The following TTC28 variants were observed in gnomAD, a reference collection of about 807,000 sequenced individuals.
The protein encoded by TTC28 is tetratricopeptide repeat protein 28.
A neutral mutation model predicts 198.0 loss-of-function variants in TTC28; 61 were observed. That is an observed-to-expected ratio of 0.31 (90% confidence interval 0.25 to 0.38). TTC28 has a LOEUF of 0.38. Ranked by LOEUF, TTC28 falls within the 10% of genes least tolerant of loss-of-function variation. The pLI is 1.00. For synonymous variants in TTC28, 1,171 were observed against 1,297.8 expected (o/e 0.90, Z 2.10); for missense variants, 2,678 against 3,164.0 (o/e 0.85, Z 3.69).
At chr22:28,657,616 C>T (rs761423342) in intron 1 of TTC28, among the ~76,000 whole-genome samples, 1 of 152,350 alleles carries the variant, frequency 6.6e-6, no homozygotes, top group Non-Finnish European at 1.5e-5. Flanking sequence ...TGGTGGCTCA[C>T]GCCTATAATC....
At chr22:28,455,054 T>C (rs947332661) in intron 2 of TTC28, among the ~76,000 whole-genome samples, 2 of 152,202 alleles carry the variant, frequency 1.3e-5, no homozygotes, top group South Asian at 2.1e-4. Context: ...GAATTTTCCA[T>C]TTAAGTTCTG....
At chr22:28,443,907 T>C (rs533278309) in intron 2 of TTC28, among the ~76,000 whole-genome samples, 1 of 152,306 alleles carries the variant, frequency 6.6e-6, no homozygotes, top group African/African-American at 2.4e-5. Flanking sequence ...AGGAAAGTAC[T>C]CTAGGCCAAA....
chr22:28,010,170 AGGGTGCTGC>A (rs1938091552), intron 14 of TTC28, among the ~76,000 whole-genome samples: 1 of 152,218 alleles, frequency 6.6e-6, no homozygotes. Flanking sequence ...GCAGAAGCAC[AGGGTGCTGC>A]TAGCAGCATG....
At position 28,415,577 on chromosome 22, in the gene TTC28, T is replaced by C. The variant is rs952807019; in HGVS notation, c.382-108934A>G. ...ATGTACTGCTTGACACTTTCCCAAATGCTTTCACATATATTATCCCTTGAG... is the reference window on the plus strand; with the variant it reads ...ATGTACTGCTTGACACTTTCCCAAACGCTTTCACATATATTATCCCTTGAG... On this transcript the variant is annotated intron_variant, in intron 2 of 22. Coordinates refer to ENST00000397906, the MANE Select transcript of TTC28 (RefSeq NM_001145418.2). Among the ~76,000 whole-genome samples the C allele has an allele frequency of 2.6e-4, 39 of 152,212 alleles. 1 individual carries two copies. The highest frequency in any genetic ancestry group is 1.3e-4 in the Admixed American group (2 of 15,284).
At chr22:28,365,390 T>C (rs1468733507) in intron 2 of TTC28, among the ~76,000 whole-genome samples, 2 of 152,186 alleles carry the variant, frequency 1.3e-5, no homozygotes, top group Non-Finnish European at 2.9e-5. Flanking sequence ...TATGTTAAGG[T>C]ATGCCTGTAA....
intron 2 of TTC28, among the ~76,000 whole-genome samples, chr22:28,483,421 A>G (rs1288567740): frequency 6.6e-6 from 1 of 152,070 alleles, no homozygotes; most frequent in Non-Finnish European, 1.5e-5. Flanking sequence ...TTAAATACTG[A>G]TACTGACTCA....
intron 6 of TTC28, among the ~76,000 whole-genome samples, chr22:28,153,671 C>T (rs6005729): frequency 2.6e-5 from 4 of 152,098 alleles, no homozygotes; most frequent in African/African-American, 9.7e-5. Context: ...TACCACATAA[C>T]TAATGTTCGA....
chr22:28,237,343 TAGG>T (rs896500822), intron 5 of TTC28, among the ~76,000 whole-genome samples: 1 of 152,200 alleles, frequency 6.6e-6, no homozygotes, highest in African/African-American at 2.4e-5. Flanking sequence ...ATTCCATTCT[TAGG>T]AGAATTGAGA....
intron 5 of TTC28, among the ~76,000 whole-genome samples, chr22:28,166,712 A>G (rs1922005151): frequency 6.6e-6 from 1 of 152,248 alleles, no homozygotes; most frequent in African/African-American, 2.4e-5. Context: ...TGCCCACAAG[A>G]GAAAGCAGGA....
rs1391424764 is a variant in TTC28 at position 28,357,312 on chromosome 22, C to CT, written c.382-50670dup. Among the ~76,000 whole-genome samples, 427 of 109,954 alleles carry CT rather than the reference C, an allele frequency of 3.9e-3. 3 individuals carry two copies. The highest frequency in any genetic ancestry group is 9.3e-3 in the African/African-American group (257 of 27,568). The allele number at this position is 109,954 out of a possible 152,430, so 72.1% of individuals were successfully genotyped here. ...GGTAGAAATCACTTTTATCAAATTT[C>CT]TTATTTTTTTTTTTTTTTTTTTTTG... On this transcript the variant is annotated intron_variant, in intron 2 of 22. Transcript: ENST00000397906.
At chr22:28,518,122 T>C (rs1472761756) in intron 2 of TTC28, among the ~76,000 whole-genome samples, 1 of 152,234 alleles carries the variant, frequency 6.6e-6, no homozygotes, top group South Asian at 2.1e-4. Flanking sequence ...AAATACTAGA[T>C]ATATCATGCT....
In TTC28 at chr22:28,107,988, C is replaced by T. The variant is rs762808639; in HGVS notation, c.1857G>A (p.Gln619=). The T allele has an allele frequency of 3.9e-6, 6 of 1,551,602 alleles. No homozygotes were observed. The highest frequency in any genetic ancestry group is 1.2e-5 in the South Asian group (1 of 84,056). The change falls in exon 7 of 23, where the codon CAG becomes CAA. Residue 619 remains glutamine (Q), a synonymous_variant. Coordinates refer to ENST00000397906, the MANE Select transcript of TTC28 (RefSeq NM_001145418.2). The part of the protein sequence containing the change: ...EYVQAAPYYE[Q]YLRLAPDLQD... ...GAAGGTCGGGAGCAAGCCGGAGGTA[C>T]TGTTCATAATAGGGGGCAGCCTGGA...
At chr22:28,595,387 C>T (rs1382068503) in intron 2 of TTC28, among the ~76,000 whole-genome samples, 1 of 152,204 alleles carries the variant, frequency 6.6e-6, no homozygotes, top group Admixed American at 6.5e-5. Context: ...AATACATTAA[C>T]TCATCTCTAA....
intron 12 of TTC28, among the ~76,000 whole-genome samples, chr22:28,093,281 A>G (rs1377485915): frequency 3.3e-5 from 5 of 152,232 alleles, no homozygotes; most frequent in Non-Finnish European, 2.9e-5. Context: ...AAATCACAGA[A>G]TTACCTAAGG....
chr22:28,160,336 CCTA>C (rs1189420074), intron 6 of TTC28, among the ~76,000 whole-genome samples: 3 of 152,094 alleles, frequency 2.0e-5, no homozygotes, highest in Non-Finnish European at 4.4e-5. Context: ...AATATATGTA[CCTA>C]CTATGTACCC....
At chr22:28,583,549 A>G (rs2050263007) in intron 2 of TTC28, among the ~76,000 whole-genome samples, 1 of 152,202 alleles carries the variant, frequency 6.6e-6, no homozygotes, top group African/African-American at 2.4e-5. Flanking sequence ...TTAAATACCC[A>G]TAATTCCTTG....
intron 12 of TTC28, among the ~76,000 whole-genome samples, chr22:28,067,886 C>T (rs544282469): frequency 6.6e-6 from 1 of 152,226 alleles, no homozygotes; most frequent in East Asian, 1.9e-4. Flanking sequence ...CTTCTTAGCC[C>T]ATTTTGATTT....
intron 2 of TTC28, among the ~76,000 whole-genome samples, chr22:28,517,112 C>G (rs1325124972): frequency 6.6e-6 from 1 of 152,116 alleles, no homozygotes; most frequent in East Asian, 1.9e-4. Flanking sequence ...TAAAGCCCAC[C>G]AGCTTTCCTC....
chr22:28,614,328 A>G (rs2050866709), intron 2 of TTC28, among the ~76,000 whole-genome samples: 1 of 152,240 alleles, frequency 6.6e-6, no homozygotes, highest in Non-Finnish European at 1.5e-5. Flanking sequence ...TTCCATGCTC[A>G]TGGATAGGAA....
Sources: allele counts gnomAD v4.1 joint callset (sites outside exome capture counted in the v4.1 genomes callset), GRCh38; gene constraint gnomAD v4.1.1; transcripts MANE v1.5; gene names NCBI Gene and HGNC (gene_info 2026-07-23, HGNC 2026-07-21).